Variants in RAPGEF6 observed in about 807,000 individuals in gnomAD.
RAPGEF6 encodes PDZ domain containing guanine nucleotide exchange factor (GEF) 2.
Under a neutral mutation model 171.4 loss-of-function variants are expected in RAPGEF6, and 56 were observed. The observed-to-expected ratio is 0.33, with a 90% CI of 0.26 to 0.41. The LOEUF (loss-of-function observed/expected upper bound fraction) is 0.41, where lower values mean the gene tolerates loss of function less well. RAPGEF6 is among the 10% of genes least tolerant of loss of function. The pLI is 1.00. For synonymous variants in RAPGEF6, 692 were observed against 650.1 expected (o/e 1.06, Z -0.98); for missense variants, 1,674 against 1,921.4 (o/e 0.87, Z 2.41).
intron 6 of RAPGEF6, among the ~76,000 whole-genome samples, chr5:131,544,219 A>C (rs1303625608): frequency 6.6e-6 from 1 of 152,204 alleles, no homozygotes; most frequent in Non-Finnish European, 1.5e-5. Flanking sequence ...AGAGAAATGG[A>C]AGTATAAGTA....
chr5:131,512,017 G>A (rs1317643689), intron 7 of RAPGEF6, among the ~76,000 whole-genome samples: 1 of 152,230 alleles, frequency 6.6e-6, no homozygotes, highest in East Asian at 1.9e-4. Flanking sequence ...TCATGGAAAC[G>A]CCTTCCTGTG....
At chr5:131,631,803 G>A (rs546680251) in intron 1 of RAPGEF6, among the ~76,000 whole-genome samples, 32 of 152,184 alleles carry the variant, frequency 2.1e-4, no homozygotes, top group Non-Finnish European at 4.1e-4. Context: ...TAGGCCAGGC[G>A]TGGTGGCTCA....
chr5:131,453,061 G>T lies in RAPGEF6; in HGVS notation c.3193C>A (p.Arg1065=). The T allele has an allele frequency of 1.9e-6, 3 of 1,612,722 alleles. No homozygotes were observed. The highest frequency in any genetic ancestry group is 2.5e-6 in the Non-Finnish European group (3 of 1,179,184). The change falls in exon 21 of 28, where the codon CGA becomes AGA. Residue 1065 remains arginine, a synonymous_variant. Coordinates refer to ENST00000509018, the MANE Select transcript of RAPGEF6 (RefSeq NM_016340.6). ...CATATTTCAATGTCCTACCTCTGTCGAAACATCATAGCTGGGTCCATGTTA... is the reference window on the plus strand; with the variant it reads ...CATATTTCAATGTCCTACCTCTGTCTAAACATCATAGCTGGGTCCATGTTA... ...SANMDPAMMF[R]QRSLSQGSTN... is the part of the protein sequence containing the mutation.
chr5:131,517,175 T>G (rs1758143118), intron 7 of RAPGEF6, among the ~76,000 whole-genome samples: 1 of 152,174 alleles, frequency 6.6e-6, no homozygotes, highest in African/African-American at 2.4e-5. Context: ...ATGCTCACTA[T>G]CTGGGTGATG....
chr5:131,438,856 T>A (rs1752197311), intron 24 of RAPGEF6, among the ~76,000 whole-genome samples: 1 of 152,248 alleles, frequency 6.6e-6, no homozygotes, highest in African/African-American at 2.4e-5. Flanking sequence ...ACTCTGTTAC[T>A]AAAAAAGGAA....
chr5:131,543,948 T>C (rs1760329460), intron 6 of RAPGEF6, among the ~76,000 whole-genome samples: 2 of 152,114 alleles, frequency 1.3e-5, no homozygotes, highest in South Asian at 4.1e-4. Context: ...AATAAGTACA[T>C]GAAAAGAGGC....
chr5:131,544,707 G>C (rs1480191512), intron 6 of RAPGEF6, among the ~76,000 whole-genome samples: 1 of 152,050 alleles, frequency 6.6e-6, no homozygotes, highest in East Asian at 1.9e-4. Flanking sequence ...TTTTGAGACG[G>C]AGTCTCACTC....
At chr5:131,432,989 G>A (rs1751801223) in intron 25 of RAPGEF6, among the ~76,000 whole-genome samples, 1 of 151,648 alleles carries the variant, frequency 6.6e-6, no homozygotes, top group Non-Finnish European at 1.5e-5. Context: ...ACCTTTGCTA[G>A]GTGATTATTC....
At chr5:131,445,684 G>A (rs972342449) in intron 22 of RAPGEF6, among the ~76,000 whole-genome samples, 4 of 152,090 alleles carry the variant, frequency 2.6e-5, no homozygotes, top group Non-Finnish European at 5.9e-5. Context: ...TTGGGCTCAA[G>A]TGACCTGCCT....
chr5:131,437,220 C>T (rs548373481), intron 24 of RAPGEF6, among the ~76,000 whole-genome samples: 5 of 152,288 alleles, frequency 3.3e-5, no homozygotes, highest in East Asian at 3.9e-4. Flanking sequence ...AACATTACTA[C>T]GAGAAGCTCA....
At chr5:131,471,121 C>T (rs775493832) in intron 17 of RAPGEF6, among the ~76,000 whole-genome samples, 57 of 152,288 alleles carry the variant, frequency 3.7e-4, no homozygotes, top group African/African-American at 1.3e-3. Flanking sequence ...ACATTAACTT[C>T]GGATCAAATA....
rs372487065 is a variant in RAPGEF6, at chr5:131,461,744, C to T, written c.2825G>A (p.Arg942Gln). The T allele has an allele frequency of 8.1e-6, 13 of 1,605,422 alleles. No homozygotes were observed. Among genetic ancestry groups the T allele is most frequent in the African/African-American group, 6.7e-5 (5 of 74,796 alleles). ...CATGGAATTGAAGTTCTTACATTCT[C>T]GACAATGAAGTGCAATTTTAATAAA... ...KHFIKIALHC[R>Q]ECKNFNSMFA... The change falls in exon 19 of 28, where the codon CGA (arginine) becomes CAA (glutamine). Residue 942 changes from arginine (R) to glutamine (Q), a missense_variant. By Grantham distance (43) the Arg-to-Gln change is conservative (BLOSUM62 1). Around this residue, in one of 3 missense-constraint regions of RAPGEF6, gnomAD observed 1,116 missense variants for 1,321.5 expected, o/e 0.84. Transcript: ENST00000509018.
At chr5:131,456,452 T>C (rs1009476593) in intron 19 of RAPGEF6, among the ~76,000 whole-genome samples, 5 of 152,206 alleles carry the variant, frequency 3.3e-5, no homozygotes, top group South Asian at 4.1e-4. Context: ...GCCTTTTTTT[T>C]CCTGCGATTT....
chr5:131,443,159 T>C (rs1328327774), intron 22 of RAPGEF6, among the ~76,000 whole-genome samples: 1 of 152,100 alleles, frequency 6.6e-6, no homozygotes, highest in African/African-American at 2.4e-5. Flanking sequence ...GTCAGTCTGG[T>C]CTCGAACTCC....
intron 1 of RAPGEF6, among the ~76,000 whole-genome samples, chr5:131,624,869 T>A (rs887079344): frequency 6.6e-5 from 10 of 152,224 alleles, no homozygotes; most frequent in Admixed American, 2.6e-4. Context: ...ACGCCTGTAA[T>A]CCCAGCACTT....
At chr5:131,593,768 T>C (rs1374065380) in intron 3 of RAPGEF6, among the ~76,000 whole-genome samples, 4 of 152,240 alleles carry the variant, frequency 2.6e-5, no homozygotes, top group African/African-American at 9.6e-5. Context: ...ATTTAGGGTA[T>C]CTGGGAGAAG....
At chr5:131,536,654 G>C (rs770249176) in intron 6 of RAPGEF6, among the ~76,000 whole-genome samples, 1 of 152,040 alleles carries the variant, frequency 6.6e-6, no homozygotes, top group Non-Finnish European at 1.5e-5. Flanking sequence ...CATCAACCAA[G>C]GTGATGTAAG....
chr5:131,552,379 G>A (rs1760975514), intron 5 of RAPGEF6, among the ~76,000 whole-genome samples: 1 of 151,908 alleles, frequency 6.6e-6, no homozygotes, highest in African/African-American at 2.4e-5. Flanking sequence ...CCTCAAGCAT[G>A]CAAGTAAACT....
rs1172343828 is a variant in RAPGEF6 at position 131,565,779 on chromosome 5, A to G, written c.282-3732T>C. 5.9e-5 allele frequency among the ~76,000 whole-genome samples: 9 copies of G among 152,236 alleles called. 1 individual carries two copies. The highest frequency in any genetic ancestry group is 3.9e-4 in the Admixed American group (6 of 15,286). On this transcript the variant is annotated intron_variant, in intron 4 of 27. Coordinates refer to ENST00000509018, the MANE Select transcript of RAPGEF6 (RefSeq NM_016340.6). ...CCTATAAATGGTGGGAAACAACCAG[A>G]TATCAATACAGAAGAAACAAAGGCA...
Sources: gnomAD v4.1 joint callset for allele counts (sites outside exome capture counted in the v4.1 genomes callset) on GRCh38, gnomAD v4.1.1 for gene constraint, gnomAD v4.1.1 regional missense constraint, MANE v1.5 for transcripts, NCBI Gene and HGNC (gene_info 2026-07-23, HGNC 2026-07-21) for gene names.